The following AGXT2 variants were observed in gnomAD, a reference collection of about 807,000 sequenced individuals.
AGXT2 encodes alanine--glyoxylate aminotransferase 2, mitochondrial.
Under a neutral mutation model 62.5 loss-of-function variants are expected in AGXT2, and 61 were observed. The ratio of observed to expected loss-of-function variants is 0.98; its 90% CI spans 0.79 to 1.21. The LOEUF (loss-of-function observed/expected upper bound fraction) is 1.21. AGXT2 is among the 50% of genes most tolerant of loss of function. The pLI is 0.00. For missense variants in AGXT2, 666 were observed against 641.5 expected (o/e 1.04, Z -0.41); for synonymous variants, 243 against 218.7 (o/e 1.11, Z -0.98).
rs1219337645 is a variant in AGXT2 at position 35,035,851 on chromosome 5, C to T, written c.487-535G>A. On this transcript the variant is annotated intron_variant, in intron 4 of 13. Transcript: ENST00000231420. ...CAGCACTTTGGGAGGTTGAGGCGGG[C>T]GGATCACTTGAGGTCAGGAGTTTGA... Among the ~76,000 whole-genome samples the T allele has an allele frequency of 7.9e-5, 12 of 152,034 alleles. No individual in the cohort carries two copies. In the East Asian group the frequency reaches 1.2e-3, roughly 15 times the overall value.
intron 13 of AGXT2, 82 bp from the exon 14 acceptor site, chr5:34,998,908 C>A: frequency 9.6e-7 from 1 of 1,045,030 alleles, no homozygotes; most frequent in Non-Finnish European, 1.5e-6. Context: ...ACTAAAAATC[C>A]AAAACCTTGT....
chr5:35,025,048 G>T (rs1243795484), intron 9 of AGXT2, among the ~76,000 whole-genome samples: 2 of 152,044 alleles, frequency 1.3e-5, no homozygotes, highest in Non-Finnish European at 2.9e-5. Flanking sequence ...TGCCAGGTTG[G>T]TAAATACTAT....
intron 10 of AGXT2, among the ~76,000 whole-genome samples, chr5:35,013,784 A>G (rs1766735023): frequency 2.4e-5 from 1 of 42,384 alleles, no homozygotes; most frequent in African/African-American, 9.1e-5. Flanking sequence ...CTCTGTCTCA[A>G]AAAAAAAAAA....
intron 1 of AGXT2, 45 bp downstream of exon 1, chr5:35,047,760 C>G: frequency 5.0e-6 from 8 of 1,607,922 alleles, no homozygotes; most frequent in East Asian, 2.2e-5. Flanking sequence ...GTCTTACCCT[C>G]TCGCTGATCC....
intron 9 of AGXT2, among the ~76,000 whole-genome samples, chr5:35,016,040 C>A (rs1264627711): frequency 6.6e-6 from 1 of 152,044 alleles, no homozygotes; most frequent in Non-Finnish European, 1.5e-5. Flanking sequence ...GGGCTGGAAT[C>A]CTGGGTTGCC....
At chr5:35,014,925 C>T (rs984012564) in intron 9 of AGXT2, among the ~76,000 whole-genome samples, 1 of 152,158 alleles carries the variant, frequency 6.6e-6, no homozygotes, top group Non-Finnish European at 1.5e-5. Context: ...GGGATGCCTT[C>T]CCCTTCCTGA....
At chr5:35,000,996 T>C (rs1036803824) in intron 13 of AGXT2, among the ~76,000 whole-genome samples, 6 of 152,258 alleles carry the variant, frequency 3.9e-5, no homozygotes, top group African/African-American at 1.4e-4. Context: ...CTCAACACTT[T>C]ATTATAAAAT....
At chr5:35,025,716 A>G (rs370714423) in intron 9 of AGXT2, 47 bp downstream of exon 9, 236 of 1,584,504 alleles carry the variant, frequency 1.5e-4, no homozygotes, top group Middle Eastern at 3.3e-4. Flanking sequence ...CTGTCTGTGC[A>G]TCTCCTGTTC....
chr5:35,012,415 T>G (rs1766679798), intron 11 of AGXT2: 1 of 153,934 alleles, frequency 6.5e-6, no homozygotes, highest in Non-Finnish European at 1.4e-5. Context: ...TTTGTTACAG[T>G]TCTTTAAGCA....
Position 35,026,464 on chromosome 5 carries a change from C to T in AGXT2, c.816G>A (p.Thr272=), listed in dbSNP as rs755422899. The T allele has an allele frequency of 1.1e-5, 18 of 1,613,660 alleles. No individual in the cohort carries two copies. Among genetic ancestry groups the T allele is most frequent in the East Asian group, 4.5e-5 (2 of 44,846 alleles). Reference sequence around the variant, plus strand: ...TTGACTTGGCCACAGATGTGCTCAGCGTATCTTTGAATTGCTCAATATACT... The same window carrying T: ...TTGACTTGGCCACAGATGTGCTCAGTGTATCTTTGAATTGCTCAATATACT... ...KDQYIEQFKD[T]LSTSVAKSIA... The change falls in exon 8 of 14, where the codon ACG becomes ACA. Residue 272 remains threonine, a synonymous_variant. Transcript: ENST00000231420.
chr5:35,022,743 GA>G (rs1272487794), intron 9 of AGXT2, among the ~76,000 whole-genome samples: 1 of 22,772 alleles, frequency 4.4e-5, no homozygotes, highest in African/African-American at 1.5e-4. Flanking sequence ...TAAAAAGAGA[GA>G]AGTAAAAAAA....
rs114430443 is a variant in AGXT2 at position 35,034,031 on chromosome 5, A to G, written c.582-478T>C. Among the ~76,000 whole-genome samples the G allele has an allele frequency of 3.5e-3, 533 of 152,256 alleles. 4 individuals carry two copies. The highest frequency in any genetic ancestry group is 0.017 in the Middle Eastern group (5 of 294). On this transcript the variant is annotated intron_variant, in intron 5 of 13. Transcript: ENST00000231420. ...AGGTTTTGTTTCTTTTGAACGTGAA[A>G]CAGTCATATTTAGTATAAATGCTCC... is the stretch of plus-strand genomic sequence containing the variant.
chr5:34,999,364 C>T (rs1466364102), intron 13 of AGXT2, among the ~76,000 whole-genome samples: 1 of 152,184 alleles, frequency 6.6e-6, no homozygotes, highest in African/African-American at 2.4e-5. Context: ...CCACTCAGGT[C>T]TCCTCCTTCC....
Position 35,033,486 on chromosome 5 carries a change from G to A in AGXT2, c.649C>T (p.Leu217Phe), listed in dbSNP as rs777600425. The A allele has an allele frequency of 6.2e-6, 10 of 1,613,536 alleles. No individual in the cohort carries two copies. Among genetic ancestry groups the A allele is most frequent in the Non-Finnish European group, 7.6e-6 (9 of 1,179,574 alleles). The change falls in exon 6 of 14, where the codon CTC (leucine) becomes TTC (phenylalanine). Residue 217 changes from leucine to phenylalanine, a missense_variant. Transcript: ENST00000231420. The part of the protein sequence containing the change: ...LTNVGTYKME[L>F]PGGTGCQPTM... ...GGTTGGCAACCTGTCCCACCAGGGA[G>A]TTCCATCTTGTAGGTCCCTACGTTT...
intron 6 of AGXT2, 166 bp from the exon 7 acceptor site, chr5:35,032,991 T>A (rs1181836285): frequency 1.5e-6 from 1 of 666,780 alleles, no homozygotes; most frequent in African/African-American, 1.8e-5. Flanking sequence ...GATAATTTTT[T>A]CTTAGAAATC....
intron 9 of AGXT2, among the ~76,000 whole-genome samples, chr5:35,019,429 A>G (rs1191040578): frequency 9.3e-5 from 14 of 150,444 alleles, no homozygotes; most frequent in Middle Eastern, 3.2e-3. Context: ...CTCACTCAAA[A>G]CCGCTCAACT....
At position 35,007,955 on chromosome 5, in the gene AGXT2, C is replaced by T. The variant is rs530060961; in HGVS notation, c.1338+2045G>A. Among the ~76,000 whole-genome samples the T allele has an allele frequency of 5.3e-3, 807 of 151,008 alleles. 6 individuals carry two copies. Among genetic ancestry groups the T allele is most frequent in the African/African-American group, 0.019 (786 of 41,248 alleles). On this transcript the variant is annotated intron_variant, in intron 12 of 13. Coordinates refer to ENST00000231420, the MANE Select transcript of AGXT2 (RefSeq NM_031900.4). ...CTACCAACCCCTAATCTCTTGCTTT[C>T]TCTCTCTCTCTCTCTCCCTCATCAG...
chr5:35,042,494 T>G (rs1274392468), intron 1 of AGXT2, among the ~76,000 whole-genome samples: 3 of 152,174 alleles, frequency 2.0e-5, no homozygotes, highest in Non-Finnish European at 4.4e-5. Context: ...ATCACTCCTC[T>G]TAATAAATAA....
In AGXT2 at chr5:35,040,644, T is replaced by C; in HGVS notation, c.108A>G (p.Ser36=). The change falls in exon 2 of 14, where the codon TCA becomes TCG. Residue 36 remains serine (S), a synonymous_variant. Coordinates refer to ENST00000231420, the MANE Select transcript of AGXT2 (RefSeq NM_031900.4). ...PFLSLGTSRT[S]VTKLSLHTKP... ...TTGTATGAAGACTGAGCTTGGTTAC[T>C]GATGTCCGGGAAGTACCTACTGAAA... 6.2e-7 allele frequency: 1 copy of C among 1,613,938 alleles called. No individual in the cohort carries two copies. Among genetic ancestry groups the C allele is most frequent in the Admixed American group, 1.7e-5 (1 of 60,030 alleles).
Sources: gnomAD v4.1 joint callset for allele counts (sites outside exome capture counted in the v4.1 genomes callset) on GRCh38, gnomAD v4.1.1 for gene constraint, MANE v1.5 for transcripts, NCBI Gene and HGNC (gene_info 2026-07-23, HGNC 2026-07-21) for gene names.